Variants in SV2C observed in about 807,000 individuals in gnomAD.
SV2C encodes the protein solute carrier family 22 member B3.
In SV2C, 49 loss-of-function variants were observed where a neutral mutation model predicts 79.7. The ratio of observed to expected loss-of-function variants is 0.61; its 90% CI spans 0.49 to 0.78. SV2C has a LOEUF of 0.78. Ranked by LOEUF, SV2C falls within the 30% of genes least tolerant of loss-of-function variation. The pLI, the probability that SV2C is intolerant of heterozygous loss-of-function variation, is 0.00. For missense variants in SV2C, 833 were observed against 912.9 expected (o/e 0.91, Z 1.13); for synonymous variants, 334 against 333.2 (o/e 1.00, Z -0.03).
intron 2 of SV2C, among the ~76,000 whole-genome samples, chr5:76,179,450 G>A (rs1743651099): frequency 6.6e-6 from 1 of 152,150 alleles, no homozygotes; most frequent in Non-Finnish European, 1.5e-5. Flanking sequence ...CTCTCAAAGT[G>A]ACCATGTTTT....
chr5:76,227,052 G>A lies in SV2C; in HGVS notation c.913+17165G>A, dbSNP rs114365395. Among the ~76,000 whole-genome samples the A allele has an allele frequency of 7.3e-3, 1,115 of 152,318 alleles. 16 individuals are homozygous for A. The highest frequency in any genetic ancestry group is 0.026 in the African/African-American group (1,063 of 41,568). Reference sequence around the variant, plus strand: ...CTCAAGGAAAGGAAGGACCTCAGGGGCCTTCCGGGAGGGATGGAAAGACAC... The same window carrying A: ...CTCAAGGAAAGGAAGGACCTCAGGGACCTTCCGGGAGGGATGGAAAGACAC... On this transcript the variant is annotated intron_variant, in intron 4 of 12. Transcript: ENST00000502798.
intron 4 of SV2C, among the ~76,000 whole-genome samples, chr5:76,232,402 G>A (rs1745447938): frequency 6.7e-6 from 1 of 149,812 alleles, no homozygotes; most frequent in Non-Finnish European, 1.5e-5. Flanking sequence ...TGTTCACTCT[G>A]ATGGTAGTTT....
chr5:75,870,508 G>C, the SV2C span, among the ~76,000 whole-genome samples: 3 of 152,028 alleles, frequency 2.0e-5, no homozygotes, highest in Admixed American at 6.6e-5. Context: ...CATGCCTATA[G>C]GATCTAGAAA....
chr5:76,123,147 G>C (rs550774544), intron 1 of SV2C, among the ~76,000 whole-genome samples: 1 of 152,266 alleles, frequency 6.6e-6, no homozygotes, highest in East Asian at 1.9e-4. Flanking sequence ...TAAATTCGTC[G>C]ACACATACAC....
chr5:76,077,452 C>T, the SV2C span, among the ~76,000 whole-genome samples: 1 of 152,102 alleles, frequency 6.6e-6, no homozygotes, highest in South Asian at 2.1e-4. Flanking sequence ...TTGATTCAAA[C>T]AAACTAATTT....
At chr5:76,189,255 G>A (rs1397865803) in intron 2 of SV2C, among the ~76,000 whole-genome samples, 1 of 151,814 alleles carries the variant, frequency 6.6e-6, no homozygotes, top group East Asian at 2.0e-4. Context: ...AGCTTACACT[G>A]ATGTGTAAGC....
chr5:76,274,062 G>T (rs1240768186), intron 4 of SV2C, among the ~76,000 whole-genome samples: 1 of 152,224 alleles, frequency 6.6e-6, no homozygotes, highest in Non-Finnish European at 1.5e-5. Flanking sequence ...GACCTGTATT[G>T]TCAGTGTTTA....
At chr5:76,094,991 T>G (rs1747504287) in intron 1 of SV2C, among the ~76,000 whole-genome samples, 1 of 152,014 alleles carries the variant, frequency 6.6e-6, no homozygotes, top group Non-Finnish European at 1.5e-5. Context: ...TGGATCATGC[T>G]GTTTGTGTGG....
chr5:76,163,301 TTCC>T (rs1257121578), intron 2 of SV2C, among the ~76,000 whole-genome samples: 1 of 152,204 alleles, frequency 6.6e-6, no homozygotes, highest in Non-Finnish European at 1.5e-5. Context: ...CCTGGCACAG[TTCC>T]TGACATTATA....
the SV2C span, among the ~76,000 whole-genome samples, chr5:75,888,961 T>C: frequency 6.6e-6 from 1 of 152,100 alleles, no homozygotes; most frequent in South Asian, 2.1e-4. Context: ...AGGGTTGTTT[T>C]CTTCTGAGGC....
At chr5:75,974,699 G>A in the SV2C span, among the ~76,000 whole-genome samples, 2 of 152,132 alleles carry the variant, frequency 1.3e-5, no homozygotes. Flanking sequence ...GATAATAACA[G>A]ATTACCTGTT....
chr5:75,966,943 C>G, the SV2C span, among the ~76,000 whole-genome samples: 4 of 152,316 alleles, frequency 2.6e-5, no homozygotes, highest in Non-Finnish European at 5.9e-5. Flanking sequence ...CGGCAACTTA[C>G]TAAAACTTAC....
At position 76,295,793 on chromosome 5, in the gene SV2C, C is replaced by A; in HGVS notation, c.1353C>A (p.Ser451=). 6.2e-7 allele frequency: 1 copy of A among 1,609,770 alleles called. No homozygotes were observed. The highest frequency in any genetic ancestry group is 1.1e-5 in the South Asian group (1 of 90,310). Residue 451 remains serine, a synonymous_variant, in exon 9 of 13, where the codon TCC becomes TCA. Coordinates refer to ENST00000502798, the MANE Select transcript of SV2C (RefSeq NM_014979.4). The part of the protein sequence containing the change: ...FTLSFGYYGL[S]VWFPDVIKPL... Reference sequence around the variant, plus strand: ...GTCTTTGCAGGTACTATGGATTATCCGTTTGGTTCCCTGATGTCATTAAAC... The same window carrying A: ...GTCTTTGCAGGTACTATGGATTATCAGTTTGGTTCCCTGATGTCATTAAAC...
At chr5:76,244,964 C>T (rs1745899777) in intron 4 of SV2C, among the ~76,000 whole-genome samples, 1 of 152,144 alleles carries the variant, frequency 6.6e-6, no homozygotes, top group Non-Finnish European at 1.5e-5. Flanking sequence ...TGAATACTGC[C>T]TTTGTACACA....
intron 4 of SV2C, among the ~76,000 whole-genome samples, chr5:76,212,507 G>A (rs1444844349): frequency 1.3e-5 from 2 of 150,642 alleles, no homozygotes; most frequent in Non-Finnish European, 3.0e-5. Context: ...CGGCCTTCAG[G>A]CCAGCCTTGT....
At chr5:76,224,911 C>G (rs549787867) in intron 4 of SV2C, among the ~76,000 whole-genome samples, 1 of 152,156 alleles carries the variant, frequency 6.6e-6, no homozygotes, top group Non-Finnish European at 1.5e-5. Context: ...TCCCTATTCT[C>G]TTATGGGCTG....
the SV2C span, among the ~76,000 whole-genome samples, chr5:75,917,908 T>C: frequency 6.6e-6 from 1 of 152,190 alleles, no homozygotes; most frequent in East Asian, 1.9e-4. Context: ...TGCATGCCTA[T>C]ATAAAAGACT....
the SV2C span, among the ~76,000 whole-genome samples, chr5:75,903,618 T>TA: frequency 6.6e-6 from 1 of 152,228 alleles, no homozygotes; most frequent in Non-Finnish European, 1.5e-5. Context: ...ACAGTCTTGT[T>TA]AAAATCTTCC....
chr5:76,257,116 G>A (rs896670943), intron 4 of SV2C, among the ~76,000 whole-genome samples: 23 of 152,192 alleles, frequency 1.5e-4, no homozygotes, highest in Admixed American at 6.5e-4. Flanking sequence ...TAAACTTCCA[G>A]AGCCACTGAA....
Sources: allele counts gnomAD v4.1 joint callset (sites outside exome capture counted in the v4.1 genomes callset), GRCh38; gene constraint gnomAD v4.1.1; transcripts MANE v1.5; gene names NCBI Gene and HGNC (gene_info 2026-07-23, HGNC 2026-07-21).